The following ARHGAP24 variants were observed in gnomAD, a reference collection of about 807,000 sequenced individuals.
The protein encoded by ARHGAP24 is Rho GTPase activating protein 24.
In ARHGAP24, 50 loss-of-function variants were observed where a neutral mutation model predicts 76.4. The ratio of observed to expected loss-of-function variants is 0.65; its 90% CI spans 0.52 to 0.83. ARHGAP24 has a LOEUF of 0.83. Ranked by LOEUF, ARHGAP24 falls within the 40% of genes least tolerant of loss-of-function variation. ARHGAP24 has a pLI of 0.00. For missense variants in ARHGAP24, 930 were observed against 914.2 expected, an observed-to-expected ratio of 1.02 and a Z score of -0.22; for synonymous variants, 345 against 323.3, an observed-to-expected ratio of 1.07 and a Z score of -0.72.
intron 1 of ARHGAP24, among the ~76,000 whole-genome samples, chr4:85,544,679 T>TATATATATATACACACATAC (rs1491578446): frequency 6.6e-6 from 1 of 151,498 alleles, no homozygotes; most frequent in Non-Finnish European, 1.5e-5. Context: ...TACATATATG[T>TATATATATATACACACATAC]ATATATATAT....
chr4:85,526,353 T>C (rs1371343998), intron 1 of ARHGAP24, among the ~76,000 whole-genome samples: 1 of 151,422 alleles, frequency 6.6e-6, no homozygotes, highest in Non-Finnish European at 1.5e-5. Flanking sequence ...TGAGCTGTGT[T>C]TGTGTCTCTG....
chr4:85,711,636 A>G (rs1264367354), intron 2 of ARHGAP24, among the ~76,000 whole-genome samples: 1 of 152,190 alleles, frequency 6.6e-6, no homozygotes, highest in Non-Finnish European at 1.5e-5. Context: ...TTCTAAATTT[A>G]AGATTCAAAT....
intron 3 of ARHGAP24, among the ~76,000 whole-genome samples, chr4:85,866,057 G>T (rs1439936287): frequency 1.3e-5 from 2 of 152,116 alleles, no homozygotes; most frequent in African/African-American, 4.8e-5. Context: ...GAGATTGTCT[G>T]AGATTCTCAC....
chr4:85,485,867 G>A (rs1262087698), intron 1 of ARHGAP24, among the ~76,000 whole-genome samples: 1 of 151,750 alleles, frequency 6.6e-6, no homozygotes, highest in Non-Finnish European at 1.5e-5. Flanking sequence ...CGAGTAGCTG[G>A]GATTACAGGC....
rs1560773016 is a variant in ARHGAP24, at chr4:85,994,692, CAAT to C, written c.1039_1041del (p.Asn347del). The C allele has an allele frequency of 2.5e-6, 4 of 1,614,010 alleles. No homozygotes were observed. Among genetic ancestry groups the C allele is most frequent in the Admixed American group, 1.7e-5 (1 of 60,000 alleles). On this transcript the variant is annotated inframe_deletion, in exon 9 of 10. Coordinates refer to ENST00000395184, the MANE Select transcript of ARHGAP24 (RefSeq NM_001025616.3). ...AGCCCCAAGATGGAGTGAGCAACAA[CAAT>C]GAAATTCAGAAGAAAGCCACCATGG...
At chr4:85,555,096 C>T (rs1375837078) in intron 1 of ARHGAP24, among the ~76,000 whole-genome samples, 1 of 152,184 alleles carries the variant, frequency 6.6e-6, no homozygotes, top group African/African-American at 2.4e-5. Context: ...CTCTTCGTTC[C>T]TATCCATATT....
At chr4:85,510,492 T>C (rs1038806805) in intron 1 of ARHGAP24, among the ~76,000 whole-genome samples, 1 of 151,250 alleles carries the variant, frequency 6.6e-6, no homozygotes, top group Non-Finnish European at 1.5e-5. Flanking sequence ...TCCCTTCTTT[T>C]TCCTTCTCTC....
At chr4:85,918,622 A>G (rs1371239229) in intron 3 of ARHGAP24, among the ~76,000 whole-genome samples, 2 of 152,104 alleles carry the variant, frequency 1.3e-5, no homozygotes, top group East Asian at 1.9e-4. Flanking sequence ...TATTAAATCC[A>G]TTAAGCTTTT....
chr4:85,817,671 T>C (rs1018643854), intron 3 of ARHGAP24, among the ~76,000 whole-genome samples: 1 of 152,214 alleles, frequency 6.6e-6, no homozygotes, highest in Non-Finnish European at 1.5e-5. Context: ...GAAAACTAAG[T>C]GTAAAAAGTA....
At chr4:85,507,700 A>C (rs1166691867) in intron 1 of ARHGAP24, among the ~76,000 whole-genome samples, 1 of 152,212 alleles carries the variant, frequency 6.6e-6, no homozygotes, top group African/African-American at 2.4e-5. Flanking sequence ...AGGTGTTTGC[A>C]TGGTAAGTGA....
At chr4:85,755,259 C>T (rs1329424648) in intron 3 of ARHGAP24, among the ~76,000 whole-genome samples, 2 of 152,092 alleles carry the variant, frequency 1.3e-5, no homozygotes, top group Non-Finnish European at 2.9e-5. Flanking sequence ...ACAATTCTCC[C>T]TTCATGCTAA....
intron 3 of ARHGAP24, among the ~76,000 whole-genome samples, chr4:85,775,298 G>C (rs1330626642): frequency 6.6e-6 from 1 of 152,132 alleles, no homozygotes; most frequent in Non-Finnish European, 1.5e-5. Context: ...ACACAGATGT[G>C]ATAGCAGGTT....
chr4:85,921,028 T>C (rs574434959), intron 3 of ARHGAP24, among the ~76,000 whole-genome samples: 1 of 152,308 alleles, frequency 6.6e-6, no homozygotes, highest in South Asian at 2.1e-4. Flanking sequence ...CATTATTGGG[T>C]ATATACCCAA....
intron 2 of ARHGAP24, among the ~76,000 whole-genome samples, chr4:85,688,072 C>T (rs761702735): frequency 2.6e-5 from 4 of 152,134 alleles, no homozygotes; most frequent in Non-Finnish European, 2.9e-5. Flanking sequence ...CTTGGCCTCC[C>T]AAAGTGCTGG....
chr4:85,525,824 C>T (rs1172866949), intron 1 of ARHGAP24, among the ~76,000 whole-genome samples: 1 of 152,106 alleles, frequency 6.6e-6, no homozygotes, highest in East Asian at 1.9e-4. Flanking sequence ...CAAAATGAGC[C>T]ACAACCTAGA....
intron 3 of ARHGAP24, among the ~76,000 whole-genome samples, chr4:85,809,470 T>A (rs1286670277): frequency 1.3e-5 from 2 of 152,170 alleles, no homozygotes; most frequent in Non-Finnish European, 2.9e-5. Context: ...ATTACCTTAT[T>A]CCATTCAAGG....
chr4:85,599,355 G>A (rs1719957927), intron 2 of ARHGAP24, among the ~76,000 whole-genome samples: 1 of 152,152 alleles, frequency 6.6e-6, no homozygotes, highest in African/African-American at 2.4e-5. Flanking sequence ...ACAGAGCTCA[G>A]TTCATCTTGT....
chr4:85,743,741 C>T (rs973914650), intron 3 of ARHGAP24, among the ~76,000 whole-genome samples: 5 of 152,054 alleles, frequency 3.3e-5, no homozygotes, highest in African/African-American at 4.8e-5. Flanking sequence ...AAGAGTGCAA[C>T]GACTCTATGT....
intron 1 of ARHGAP24, among the ~76,000 whole-genome samples, chr4:85,531,309 T>C (rs553857304): frequency 2.6e-4 from 39 of 152,208 alleles, no homozygotes; most frequent in African/African-American, 7.7e-4. Context: ...CTTAGAACAG[T>C]GTCTGGAGTA....
Sources: allele counts gnomAD v4.1 joint callset (sites outside exome capture counted in the v4.1 genomes callset), GRCh38; gene constraint gnomAD v4.1.1; transcripts MANE v1.5; gene names NCBI Gene and HGNC (gene_info 2026-07-23, HGNC 2026-07-21).